Variants in WDFY2 observed in about 807,000 individuals in gnomAD.
WDFY2 encodes the protein WD repeat and FYVE domain containing 2, also known as WD repeat and FYVE domain-containing protein 2.
A neutral mutation model predicts 56.4 loss-of-function variants in WDFY2; 36 were observed. The ratio of observed to expected loss-of-function variants is 0.64; its 90% confidence interval spans 0.49 to 0.84. The LOEUF is 0.84. Among genes scored for constraint, WDFY2 ranks in the 40% least tolerant of loss-of-function variants. The pLI, the probability that WDFY2 is intolerant of heterozygous loss-of-function variation, is 0.00. For synonymous variants in WDFY2, 176 were observed against 183.7 expected, an observed-to-expected ratio of 0.96 and a Z score of 0.34; for missense variants, 444 against 512.2, an observed-to-expected ratio of 0.87 and a Z score of 1.29.
chr13:51,739,243 G>A, intron 7 of WDFY2, 68 bp downstream of exon 7: 1 of 1,468,692 alleles, frequency 6.8e-7, no homozygotes, highest in Non-Finnish European at 9.1e-7. Context: ...GAACAAAGGA[G>A]TGCAGCCCAG....
intron 1 of WDFY2, among the ~76,000 whole-genome samples, chr13:51,636,614 A>G (rs947723713): frequency 5.3e-5 from 8 of 152,244 alleles, no homozygotes; most frequent in Admixed American, 2.0e-4. Context: ...ACAGTACAGC[A>G]GGGGAAAGAA....
intron 3 of WDFY2, among the ~76,000 whole-genome samples, chr13:51,691,217 A>T (rs1353546427): frequency 6.6e-6 from 1 of 151,982 alleles, no homozygotes; most frequent in Non-Finnish European, 1.5e-5. Context: ...CCCGTTTGTC[A>T]ATTTTGTCTT....
At chr13:51,741,939 G>T (rs528476760) in intron 7 of WDFY2, among the ~76,000 whole-genome samples, 71 of 152,298 alleles carry the variant, frequency 4.7e-4, no homozygotes, top group Middle Eastern at 6.8e-3. Flanking sequence ...GACATGCCTG[G>T]TGATGTGTGC....
chr13:51,753,497 A>G (rs564081463), intron 8 of WDFY2, among the ~76,000 whole-genome samples: 10 of 152,360 alleles, frequency 6.6e-5, no homozygotes, highest in Admixed American at 5.9e-4. Context: ...TAGTAAATAG[A>G]AAAGATGTCA....
At chr13:51,662,186 G>T (rs1190714100) in intron 2 of WDFY2, among the ~76,000 whole-genome samples, 4 of 152,116 alleles carry the variant, frequency 2.6e-5, no homozygotes, top group African/African-American at 9.7e-5. Flanking sequence ...AGCCAGGCTG[G>T]TTTCGAACTC....
intron 1 of WDFY2, among the ~76,000 whole-genome samples, chr13:51,592,800 C>A (rs924590602): frequency 3.9e-5 from 6 of 151,928 alleles, no homozygotes; most frequent in African/African-American, 1.2e-4. Context: ...TCATAATAAT[C>A]GCTCTGGAGT....
intron 4 of WDFY2, among the ~76,000 whole-genome samples, chr13:51,712,556 T>C (rs1214612120): frequency 2.6e-5 from 4 of 152,086 alleles, no homozygotes; most frequent in Non-Finnish European, 5.9e-5. Context: ...AAGGGACTCA[T>C]TAACAGTGAC....
chr13:51,700,152 T>C (rs1437405931), intron 3 of WDFY2, among the ~76,000 whole-genome samples: 1 of 152,112 alleles, frequency 6.6e-6, no homozygotes, highest in Non-Finnish European at 1.5e-5. Context: ...AAAAAAGACA[T>C]GGAGGGATAC....
intron 2 of WDFY2, among the ~76,000 whole-genome samples, chr13:51,673,871 G>A (rs1230251593): frequency 6.6e-6 from 1 of 151,880 alleles, no homozygotes; most frequent in African/African-American, 2.4e-5. Context: ...AGTTTTTGGG[G>A]GAAATTCTAC....
At chr13:51,649,815 C>T (rs1012525310) in intron 1 of WDFY2, among the ~76,000 whole-genome samples, 1 of 152,136 alleles carries the variant, frequency 6.6e-6, no homozygotes, top group African/African-American at 2.4e-5. Context: ...GTTTTGGTTA[C>T]TGTAGCCTTG....
At chr13:51,633,901 A>C (rs956973509) in intron 1 of WDFY2, among the ~76,000 whole-genome samples, 6 of 152,064 alleles carry the variant, frequency 3.9e-5, no homozygotes, top group Non-Finnish European at 7.4e-5. Flanking sequence ...GTTCTTTCCC[A>C]TTGGTCATTC....
chr13:51,751,522 C>A, intron 8 of WDFY2, 107 bp downstream of exon 8: 1 of 1,076,274 alleles, frequency 9.3e-7, no homozygotes. Flanking sequence ...AGGCATGTAA[C>A]GTTAAAGAAT....
At chr13:51,718,483 T>A (rs993589142) in intron 4 of WDFY2, among the ~76,000 whole-genome samples, 7 of 151,982 alleles carry the variant, frequency 4.6e-5, no homozygotes, top group African/African-American at 1.7e-4. Flanking sequence ...ATTCTGGAAT[T>A]ACGTGATGTG....
At chr13:51,692,900 A>G (rs1187591237) in intron 3 of WDFY2, among the ~76,000 whole-genome samples, 1 of 152,232 alleles carries the variant, frequency 6.6e-6, no homozygotes, top group South Asian at 2.1e-4. Flanking sequence ...CAGAGATTCA[A>G]CTTCTTCCTG....
intron 6 of WDFY2, among the ~76,000 whole-genome samples, chr13:51,737,551 TAAAAAAAAAAAAA>T (rs67418551): frequency 0.047 from 2,541 of 53,548 alleles, 62 homozygotes; most frequent in Middle Eastern, 0.17. Context: ...ACAATGAATT[TAAAAAAAAAAAAA>T]AAAAAAAAAA....
intron 4 of WDFY2, among the ~76,000 whole-genome samples, chr13:51,709,658 T>C (rs1392850138): frequency 6.6e-6 from 1 of 152,056 alleles, no homozygotes; most frequent in Non-Finnish European, 1.5e-5. Context: ...TATCAACACC[T>C]CTATGCAAAT....
chr13:51,660,532 G>A, intron 1 of WDFY2, 64 bp from the exon 2 acceptor site: 1 of 1,495,760 alleles, frequency 6.7e-7, no homozygotes, highest in Non-Finnish European at 9.3e-7. Flanking sequence ...TGTTTTCTAT[G>A]TATCAGCATT....
At chr13:51,594,667 C>T (rs1271322835) in intron 1 of WDFY2, among the ~76,000 whole-genome samples, 1 of 152,222 alleles carries the variant, frequency 6.6e-6, no homozygotes, top group Non-Finnish European at 1.5e-5. Flanking sequence ...TCCAGGTCAT[C>T]TGGCTAATGG....
In WDFY2 at chr13:51,725,045, AT is replaced by A. The variant is rs1253960782; in HGVS notation, c.486-2627del. 4.6e-5 allele frequency among the ~76,000 whole-genome samples: 7 copies of A among 152,308 alleles called. No individual in the cohort carries two copies. In the East Asian group the frequency reaches 9.6e-4, roughly 21 times the overall value. ...AAGAAGTATATATAAATGTGTGTGTATTTTTTAAAAGAGAATAAATCATAAG... is the reference window on the plus strand; with the variant it reads ...AAGAAGTATATATAAATGTGTGTGTATTTTTAAAAGAGAATAAATCATAAG... On this transcript the variant is annotated intron_variant, in intron 5 of 11. Coordinates refer to ENST00000298125, the MANE Select transcript of WDFY2 (RefSeq NM_052950.4).
Sources: allele counts gnomAD v4.1 joint callset (sites outside exome capture counted in the v4.1 genomes callset), GRCh38; gene constraint gnomAD v4.1.1; transcripts MANE v1.5; gene names NCBI Gene and HGNC (gene_info 2026-07-23, HGNC 2026-07-21).